Variants in NFRKB observed in about 807,000 individuals in gnomAD.
NFRKB encodes nuclear factor related to kappa-B-binding protein.
Under a neutral mutation model 135.7 loss-of-function variants are expected in NFRKB, and 62 were observed. The observed-to-expected ratio is 0.46, with a 90% CI of 0.37 to 0.56. The LOEUF (loss-of-function observed/expected upper bound fraction) is 0.56. Ranked by LOEUF, NFRKB falls within the 20% of genes least tolerant of loss-of-function variation. The probability of loss-of-function intolerance (pLI) is 0.00; values close to 1 mark genes in which losing one functional copy is unlikely to be tolerated. For missense variants in NFRKB, 1,545 were observed against 1,662.0 expected (o/e 0.93, Z 1.22); for synonymous variants, 678 against 635.6 (o/e 1.07, Z -1.00).
intron 25 of NFRKB, 108 bp from the exon 26 acceptor site, chr11:129,865,209 T>C: frequency 7.5e-7 from 1 of 1,331,150 alleles, no homozygotes. Flanking sequence ...CCAATGAAAA[T>C]CCCAGCATTT....
intron 13 of NFRKB, among the ~76,000 whole-genome samples, chr11:129,881,091 T>C (rs1949004015): frequency 6.6e-6 from 1 of 152,210 alleles, no homozygotes; most frequent in Admixed American, 6.5e-5. Context: ...AAGCCCATTT[T>C]TAGGAAAGAA....
chr11:129,869,422 G>T (rs1274738648), intron 24 of NFRKB, 72 bp downstream of exon 24: 2 of 1,475,240 alleles, frequency 1.4e-6, no homozygotes, highest in Non-Finnish European at 1.8e-6. Flanking sequence ...GGAGTTTCTC[G>T]GGTAATGGGC....
chr11:129,888,231 C>T, intron 4 of NFRKB: 1 of 566,930 alleles, frequency 1.8e-6, no homozygotes, highest in South Asian at 2.2e-5. Flanking sequence ...TAAACACACA[C>T]ACACACGAAC....
rs748780162 is a variant in NFRKB, at chr11:129,865,798, A to C, written c.3638+79T>G. 5.0e-4 allele frequency: 637 copies of C among 1,286,842 alleles called. 5 individuals are homozygous for C. Among genetic ancestry groups the C allele is most frequent in the Admixed American group, 1.8e-4 (10 of 56,652 alleles). The allele number at this position is 1,286,842 out of a possible 1,614,324, so 79.7% of individuals were successfully genotyped here. ...CCCCAGAAAGACCAGCCACTTTGCC[A>C]CTCGGTGACAAGGACTGGTAAGCCC... On this transcript the variant is annotated intron_variant, in intron 25 of 26. Transcript: ENST00000682444.
chr11:129,868,676 A>C (rs1948333177), intron 24 of NFRKB, among the ~76,000 whole-genome samples: 1 of 152,232 alleles, frequency 6.6e-6, no homozygotes, highest in Admixed American at 6.5e-5. Flanking sequence ...TACACCATTC[A>C]AAAGACCCCA....
chr11:129,877,488 C>T, intron 15 of NFRKB, 103 bp from the exon 16 acceptor site: 2 of 1,049,050 alleles, frequency 1.9e-6, no homozygotes, highest in Non-Finnish European at 1.5e-6. Context: ...GAAAGATGTC[C>T]CTCAAGAAGC....
chr11:129,885,492 C>G lies in NFRKB; in HGVS notation c.583G>C (p.Val195Leu), dbSNP rs1294246941. The G allele has an allele frequency of 6.2e-7, 1 of 1,614,118 alleles. No homozygotes were observed. Among genetic ancestry groups the G allele is most frequent in the Non-Finnish European group, 8.5e-7 (1 of 1,179,956 alleles). Residue 195 changes from valine (V) to leucine (L), a missense_variant, in exon 6 of 27, where the codon GTC (valine) becomes CTC (leucine). By Grantham distance (32) the Val-to-Leu change is conservative. Coordinates refer to ENST00000682444, the MANE Select transcript of NFRKB (RefSeq NM_001143835.2). ...CACTCCTCTTTCACTTCCCTTAAGA[C>G]CTTCAAGTAGCGCTGCTGGGTCCGC... Reference protein sequence around the residue: ...EWRTQQRYLKVLREVKEECGD... With the variant: ...EWRTQQRYLKLLREVKEECGD...
intron 3 of NFRKB, 123 bp from the exon 4 acceptor site, chr11:129,888,918 A>C: frequency 1.5e-6 from 1 of 684,364 alleles, no homozygotes; most frequent in Non-Finnish European, 2.4e-6. Flanking sequence ...TTAAGTGTAG[A>C]CTTCAGTGGC....
At chr11:129,868,299 G>A (rs529374063) in intron 24 of NFRKB, among the ~76,000 whole-genome samples, 1 of 152,218 alleles carries the variant, frequency 6.6e-6, no homozygotes, top group Non-Finnish European at 1.5e-5. Context: ...AAGTGGCAAA[G>A]ATTTACTCAC....
intron 1 of NFRKB, 77 bp downstream of exon 1, chr11:129,895,419 G>T (rs1320145309): frequency 1.3e-5 from 2 of 152,976 alleles, no homozygotes; most frequent in Admixed American, 1.3e-4. Context: ...CGACCTCGCG[G>T]ACCCAGCCGC....
At position 129,892,834 on chromosome 11, in the gene NFRKB, G is replaced by A; in HGVS notation, c.16C>T (p.His6Tyr). MDSLDHMLTDPLELGP... is the reference protein window; with the variant it reads MDSLDYMLTDPLELGP... The stretch of plus-strand genomic sequence containing the variant: ...AGTTCCAGAGGATCTGTCAGCATAT[G>A]GTCTAAGGAATCCATTGTTTCTTCT... Residue 6 changes from histidine (H) to tyrosine (Y), a missense_variant, in exon 3 of 27, where the codon CAT becomes TAT. By Grantham distance (83) the His-to-Tyr change is moderately conservative (BLOSUM62 2). This residue lies in a region of NFRKB where 678 missense variants were observed against 646.7 expected (regional missense o/e 1.05). Coordinates refer to ENST00000682444, the MANE Select transcript of NFRKB (RefSeq NM_001143835.2). 6.2e-7 allele frequency: 1 copy of A among 1,614,110 alleles called. No homozygotes were observed. The highest frequency in any genetic ancestry group is 1.1e-5 in the South Asian group (1 of 91,086).
Position 129,892,803 on chromosome 11 carries a change from G to A in NFRKB, c.47C>T (p.Pro16Leu), listed in dbSNP as rs776937009. 24 of 1,614,034 alleles carry A rather than the reference G, an allele frequency of 1.5e-5. No individual in the cohort carries two copies. Among genetic ancestry groups the A allele is most frequent in the Admixed American group, 1.3e-4 (8 of 60,008 alleles). ...GCGCGTGCCATGGCCATCTCCACAC[G>A]GACCAAGTTCCAGAGGATCTGTCAG... is the stretch of plus-strand genomic sequence containing the variant. ...HMLTDPLELG[P>L]CGDGHGTRIM... The change falls in exon 3 of 27, where the codon CCG becomes CTG. Residue 16 changes from proline (P) to leucine (L), a missense_variant. This residue lies in a region of NFRKB where 678 missense variants were observed against 646.7 expected (regional missense o/e 1.05). Transcript: ENST00000682444.
At chr11:129,871,856 A>G (rs1001825870) in intron 23 of NFRKB, among the ~76,000 whole-genome samples, 1 of 152,158 alleles carries the variant, frequency 6.6e-6, no homozygotes, top group African/African-American at 2.4e-5. Flanking sequence ...TCCCCCTCAC[A>G]TTTAAATTAA....
chr11:129,875,259 ATTCAG>A lies in NFRKB; in HGVS notation c.1854+93_1854+97del, dbSNP rs974741521. ...TTTTTCAAGGTATGTTTTTCACTTC[ATTCAG>A]TTTTTAAAAATTTTGTTATATTTTG... On this transcript the variant is annotated intron_variant, in intron 18 of 26. Transcript: ENST00000682444. 3 of 1,021,200 alleles carry A rather than the reference ATTCAG, an allele frequency of 2.9e-6. No homozygotes were observed. The African/African-American group carries it at 4.9e-5, about 17-fold the overall frequency. The allele number at this position is 1,021,200 out of a possible 1,614,324, so 63.3% of individuals were successfully genotyped here.
At chr11:129,883,704 T>A (rs563963343) in intron 8 of NFRKB, among the ~76,000 whole-genome samples, 7 of 152,158 alleles carry the variant, frequency 4.6e-5, no homozygotes, top group African/African-American at 1.7e-4. Context: ...CTTGGTAGCA[T>A]GGAATAATGG....
At position 129,873,750 on chromosome 11, in the gene NFRKB, G is replaced by A. The variant is rs928462663; in HGVS notation, c.2545C>T (p.Pro849Ser). ...ACCACGGCTTCCCTGTTTACCTGGGGCACTACTTTGGTCTGTGTGGCAGTG... is the reference window on the plus strand; with the variant it reads ...ACCACGGCTTCCCTGTTTACCTGGGACACTACTTTGGTCTGTGTGGCAGTG... ...PATATQTKVV[P>S]QTVMATVPVK... Residue 849 changes from proline to serine, a missense_variant, in exon 22 of 27, where the codon CCC (proline) becomes TCC (serine). Transcript: ENST00000682444. 6.2e-7 allele frequency: 1 copy of A among 1,611,488 alleles called. No homozygotes were observed. Among genetic ancestry groups the A allele is most frequent in the Non-Finnish European group, 8.5e-7 (1 of 1,177,748 alleles).
At position 129,888,767 on chromosome 11, in the gene NFRKB, A is replaced by C. The variant is rs1278728186; in HGVS notation, c.164T>G (p.Leu55Arg). ...DPEIFFDVVS[L>R]STWQEVLSDS... ...ACTTAACACTTCCTGCCATGTTGAG[A>C]GGCTGACAACATCAAAGAAGATCTC... Residue 55 changes from leucine (L) to arginine (R), a missense_variant, in exon 4 of 27, where the codon CTC becomes CGC. Transcript: ENST00000682444. 7 of 1,614,168 alleles carry C rather than the reference A, an allele frequency of 4.3e-6. No individual in the cohort carries two copies. In the Admixed American group the frequency reaches 6.7e-5, roughly 15 times the overall value.
Position 129,870,190 on chromosome 11 carries a change from G to A in NFRKB, c.2835C>T (p.Phe945=), listed in dbSNP as rs1157687983. ...GNSIPLTATN[F]RIQGKDVLRL... is the part of the protein sequence containing the mutation. Reference sequence around the variant, plus strand: ...GCAATACATCCTTACCCTGGATGCGGAAGTTAGTGGCTGTGAGTGGAATGC... The same window carrying A: ...GCAATACATCCTTACCCTGGATGCGAAAGTTAGTGGCTGTGAGTGGAATGC... The change falls in exon 24 of 27, where the codon TTC becomes TTT. Residue 945 remains phenylalanine (F), a synonymous_variant. Coordinates refer to ENST00000682444, the MANE Select transcript of NFRKB (RefSeq NM_001143835.2). 6.2e-7 allele frequency: 1 copy of A among 1,614,210 alleles called. No individual in the cohort carries two copies. Among genetic ancestry groups the A allele is most frequent in the Non-Finnish European group, 8.5e-7 (1 of 1,180,042 alleles).
rs961145167 is a variant in NFRKB at position 129,863,754 on chromosome 11, T to C, written c.*971A>G. On this transcript the variant is annotated 3_prime_UTR_variant, in exon 27 of 27. Coordinates refer to ENST00000682444, the MANE Select transcript of NFRKB (RefSeq NM_001143835.2). ...CTTCGAATCTGAAAGCAGCCACAGA[T>C]AATACAAACACAAATTGGTCTGGGC... is the stretch of plus-strand genomic sequence containing the variant. The C allele has an allele frequency of 6.6e-6, 1 of 152,306 alleles. No homozygotes were observed. Among genetic ancestry groups the C allele is most frequent in the African/African-American group, 2.4e-5 (1 of 41,444 alleles). 9.4% of individuals were successfully genotyped at this position (152,306 alleles called of 1,614,324 possible).
Sources: allele counts gnomAD v4.1 joint callset (sites outside exome capture counted in the v4.1 genomes callset), GRCh38; gene constraint gnomAD v4.1.1; regional missense constraint gnomAD v4.1.1; transcripts MANE v1.5; gene names NCBI Gene and HGNC (gene_info 2026-07-23, HGNC 2026-07-21).